ZSCAN1: variants seen among roughly 807,000 people sequenced by gnomAD.
ZSCAN1 encodes the protein zinc finger and SCAN domain containing 1, also known as zinc finger and SCAN domain-containing protein 1.
Under a neutral mutation model 23.8 loss-of-function variants are expected in ZSCAN1, and 23 were observed. The ratio of observed to expected loss-of-function variants is 0.97; its 90% confidence interval spans 0.70 to 1.37. The LOEUF (loss-of-function observed/expected upper bound fraction) is 1.37. Ranked by LOEUF, ZSCAN1 falls within the 40% of genes most tolerant of loss-of-function variation. ZSCAN1 has a pLI of 0.00. For missense variants in ZSCAN1, 575 were observed against 554.0 expected, an observed-to-expected ratio of 1.04 and a Z score of -0.38; for synonymous variants, 236 against 232.3, an observed-to-expected ratio of 1.02 and a Z score of -0.15.
chr19:58,054,137 C>T lies in ZSCAN1; in HGVS notation c.*86C>T, dbSNP rs2073877985. 1.4e-6 allele frequency: 2 copies of T among 1,415,014 alleles called. No homozygotes were observed. Among genetic ancestry groups the T allele is most frequent in the East Asian group, 2.5e-5 (1 of 39,752 alleles). 87.7% of individuals were successfully genotyped at this position (1,415,014 alleles called of 1,614,324 possible). A position where few individuals can be genotyped will look rare whatever the true frequency, so the allele number is the denominator to read the frequency against. ...CAGAAGATGGGGGACATCCCCCAGC[C>T]CCACCAACCCCTGGCCACCTTGGGA... is the stretch of plus-strand genomic sequence containing the variant. On this transcript the variant is annotated 3_prime_UTR_variant, in exon 6 of 6. Coordinates refer to ENST00000282326, the MANE Select transcript of ZSCAN1 (RefSeq NM_182572.4). This position sits in a 1 kb window ranked among gnomAD's most constrained non-coding sequence, Gnocchi z 4.2.
At position 58,040,613 on chromosome 19, in the gene ZSCAN1, C is replaced by T; in HGVS notation, c.465+69C>T. 1 of 1,481,786 alleles carries T rather than the reference C, an allele frequency of 6.7e-7. No individual in the cohort carries two copies. The highest frequency in any genetic ancestry group is 1.7e-5 in the Admixed American group (1 of 59,358). The allele number at this position is 1,481,786 out of a possible 1,614,324, so 91.8% of individuals were successfully genotyped here. On this transcript the variant is annotated intron_variant, in intron 4 of 5. Transcript: ENST00000282326. The surrounding 1 kb of genome is among the most constrained non-coding windows in gnomAD (Gnocchi z 5.8). ...ATGCGTGCCGCTTCTGGGACGGCCTCAAGGATGCCCCATCCAAGGACTGTG... is the reference window on the plus strand; with the variant it reads ...ATGCGTGCCGCTTCTGGGACGGCCTTAAGGATGCCCCATCCAAGGACTGTG...
intron 4 of ZSCAN1, among the ~76,000 whole-genome samples, chr19:58,048,304 A>T (rs2073838560): frequency 1.3e-5 from 2 of 152,210 alleles, no homozygotes; most frequent in South Asian, 2.1e-4. Flanking sequence ...AAGTGTTTCA[A>T]GCTGTGTTTC....
chr19:58,044,564 C>G (rs1592994), intron 4 of ZSCAN1: 576,956 of 648,196 alleles, frequency 0.89, 260,144 homozygotes, highest in African/African-American at 0.94. Context: ...GCAGGAGGCC[C>G]GAGCGGCCGC....
At position 58,045,976 on chromosome 19, in the gene ZSCAN1, G is replaced by A. The variant is rs1332723518; in HGVS notation, c.465+5432G>A. Reference sequence around the variant, plus strand: ...GGCCAAGCTAGAGGCCACACTGCAGGAGAAGGCGACCATGCAGTAGGAGCA... The same window carrying A: ...GGCCAAGCTAGAGGCCACACTGCAGAAGAAGGCGACCATGCAGTAGGAGCA... On this transcript the variant is annotated intron_variant, in intron 4 of 5. Coordinates refer to ENST00000282326, the MANE Select transcript of ZSCAN1 (RefSeq NM_182572.4). This position sits in a 1 kb window ranked among gnomAD's most constrained non-coding sequence, Gnocchi z 4.3. 1.3e-6 allele frequency: 1 copy of A among 744,196 alleles called. No homozygotes were observed. The highest frequency in any genetic ancestry group is 2.4e-6 in the Non-Finnish European group (1 of 415,610). The allele number at this position is 744,196 out of a possible 1,614,324, so 46.1% of individuals were successfully genotyped here. A position where few individuals can be genotyped will look rare whatever the true frequency, so the allele number is the denominator to read the frequency against.
At chr19:58,046,157 T>A in intron 4 of ZSCAN1, 1 of 730,906 alleles carries the variant, frequency 1.4e-6, no homozygotes, top group South Asian at 1.5e-5. Context: ...GCCCCCGTGC[T>A]AGAGGGCTTG....
chr19:58,047,533 C>T lies in ZSCAN1; in HGVS notation c.466-4957C>T, dbSNP rs948098962. Among the ~76,000 whole-genome samples the T allele has an allele frequency of 6.6e-6, 1 of 152,240 alleles. No homozygotes were observed. The highest frequency in any genetic ancestry group is 1.5e-5 in the Non-Finnish European group (1 of 68,048). On this transcript the variant is annotated intron_variant, in intron 4 of 5. Transcript: ENST00000282326. The surrounding 1 kb of genome is among the most constrained non-coding windows in gnomAD (Gnocchi z 4.9). Reference sequence around the variant, plus strand: ...CTGACGTAGCCCTAGCCATGGGACTCCCTTGGGTGGTGCTTGGGCTGCGCG... The same window carrying T: ...CTGACGTAGCCCTAGCCATGGGACTTCCTTGGGTGGTGCTTGGGCTGCGCG...
rs2073774951 is a variant in ZSCAN1 at position 58,040,048 on chromosome 19, T to A, written c.371-402T>A. Among the ~76,000 whole-genome samples the A allele has an allele frequency of 6.6e-6, 1 of 152,178 alleles. No individual in the cohort carries two copies. Among genetic ancestry groups the A allele is most frequent in the African/African-American group, 2.4e-5 (1 of 41,436 alleles). On this transcript the variant is annotated intron_variant, in intron 3 of 5. Transcript: ENST00000282326. The surrounding 1 kb of genome is among the most constrained non-coding windows in gnomAD (Gnocchi z 5.8). ...CACGCCTGGCCTGGTTCCCACGTCT[T>A]GACCCTTCTGTCAATGGTGTCCTGA...
At chr19:58,051,686 C>T (rs1328962761) in intron 4 of ZSCAN1, among the ~76,000 whole-genome samples, 1 of 152,204 alleles carries the variant, frequency 6.6e-6, no homozygotes, top group Non-Finnish European at 1.5e-5. Context: ...CCTCCTCCAA[C>T]AACCTGATTT....
intron 4 of ZSCAN1, chr19:58,044,593 G>A (rs558498829): frequency 2.0e-6 from 2 of 976,710 alleles, no homozygotes; most frequent in East Asian, 3.0e-5. Flanking sequence ...GACACACGGC[G>A]TCCATCTTAA....
intron 4 of ZSCAN1, among the ~76,000 whole-genome samples, chr19:58,048,532 T>G (rs1287183516): frequency 6.6e-6 from 1 of 152,232 alleles, no homozygotes; most frequent in African/African-American, 2.4e-5. Flanking sequence ...CAGGCTGGAG[T>G]GCCGTGGCAT....
chr19:58,036,909 G>A (rs920183950), intron 2 of ZSCAN1, among the ~76,000 whole-genome samples: 1 of 152,060 alleles, frequency 6.6e-6, no homozygotes, highest in Admixed American at 6.6e-5. Flanking sequence ...GTCTTGAACT[G>A]CTGACTTCAG....
rs149279174 is a variant in ZSCAN1 at position 58,052,537 on chromosome 19, C to T, written c.513C>T (p.Pro171=). The change falls in exon 5 of 6, where the codon CCC becomes CCT. Residue 171 remains proline (P), a synonymous_variant. Coordinates refer to ENST00000282326, the MANE Select transcript of ZSCAN1 (RefSeq NM_182572.4). Reference sequence around the variant, plus strand: ...CAGTGGCAGCAGCCCCAGCACTCCCCGAGGAAAGTGAGTGGCTGGAGACTA... The same window carrying T: ...CAGTGGCAGCAGCCCCAGCACTCCCTGAGGAAAGTGAGTGGCTGGAGACTA... ...LDAVAAAPAL[P]EESEWLETTQ... is the part of the protein sequence containing the mutation. The T allele has an allele frequency of 1.9e-4, 301 of 1,613,942 alleles. 1 individual carries two copies. The highest frequency in any genetic ancestry group is 1.7e-3 in the East Asian group (78 of 44,896).
chr19:58,040,406 C>T lies in ZSCAN1; in HGVS notation c.371-44C>T, dbSNP rs372180167. ...CAGAAGGCCTGGAGAATTGGGGGCT[C>T]TGGGAAGAACAGGCCCCTCTCACGA... On this transcript the variant is annotated intron_variant, in intron 3 of 5. Coordinates refer to ENST00000282326, the MANE Select transcript of ZSCAN1 (RefSeq NM_182572.4). The surrounding 1 kb of genome is among the most constrained non-coding windows in gnomAD (Gnocchi z 5.8). 1.2e-6 allele frequency: 2 copies of T among 1,602,154 alleles called. No homozygotes were observed. Among genetic ancestry groups the T allele is most frequent in the African/African-American group, 2.7e-5 (2 of 74,652 alleles).
intron 4 of ZSCAN1, chr19:58,044,734 G>A: frequency 1.4e-6 from 1 of 738,068 alleles, no homozygotes. Context: ...CTGCCCGAAA[G>A]TTTCATTTGG....
chr19:58,047,386 G>A lies in ZSCAN1; in HGVS notation c.466-5104G>A, dbSNP rs906756742. ...GGTTCTCACCTGCAGTTTTCCTTGTGTATCGGAGCTCTTTCTTAACTTTCT... is the reference window on the plus strand; with the variant it reads ...GGTTCTCACCTGCAGTTTTCCTTGTATATCGGAGCTCTTTCTTAACTTTCT... On this transcript the variant is annotated intron_variant, in intron 4 of 5. Coordinates refer to ENST00000282326, the MANE Select transcript of ZSCAN1 (RefSeq NM_182572.4). This position sits in a 1 kb window ranked among gnomAD's most constrained non-coding sequence, Gnocchi z 4.9. Among the ~76,000 whole-genome samples, 4 of 152,234 alleles carry A rather than the reference G, an allele frequency of 2.6e-5. No homozygotes were observed. Among genetic ancestry groups the A allele is most frequent in the African/African-American group, 7.2e-5 (3 of 41,474 alleles).
downstream of ZSCAN1, among the ~76,000 whole-genome samples, chr19:58,056,453 G>A (rs1032765093): frequency 3.3e-5 from 5 of 152,232 alleles, no homozygotes; most frequent in African/African-American, 1.2e-4. Flanking sequence ...AATGAGTGAG[G>A]GGAAGTCCCT....
Position 58,045,041 on chromosome 19 carries a change from G to C in ZSCAN1, c.465+4497G>C. 1.8e-6 allele frequency: 2 copies of C among 1,111,230 alleles called. No homozygotes were observed. Among genetic ancestry groups the C allele is most frequent in the South Asian group, 1.3e-5 (1 of 79,414 alleles). 68.8% of individuals were successfully genotyped at this position (1,111,230 alleles called of 1,614,324 possible). A position where few individuals can be genotyped will look rare whatever the true frequency, so the allele number is the denominator to read the frequency against. Reference sequence around the variant, plus strand: ...CCCGCAGAGATGGTGGTGAAGTCCCGGGGGCAGAGAGGGTGCTGGGCGAGC... The same window carrying C: ...CCCGCAGAGATGGTGGTGAAGTCCCCGGGGCAGAGAGGGTGCTGGGCGAGC... On this transcript the variant is annotated intron_variant, in intron 4 of 5. Transcript: ENST00000282326. The surrounding 1 kb of genome is among the most constrained non-coding windows in gnomAD (Gnocchi z 4.3).
intron 4 of ZSCAN1, among the ~76,000 whole-genome samples, chr19:58,050,090 T>A (rs2073849687): frequency 1.9e-5 from 2 of 105,374 alleles, no homozygotes; most frequent in Non-Finnish European, 5.0e-5. Flanking sequence ...CACTCTTTCC[T>A]TTTTTTTTTT....
rs2073878076 is a variant in ZSCAN1 at position 58,054,155 on chromosome 19, C to T, written c.*104C>T. Reference sequence around the variant, plus strand: ...CCCCAGCCCCACCAACCCCTGGCCACCTTGGGACTCCTCTTGAAGGACACA... The same window carrying T: ...CCCCAGCCCCACCAACCCCTGGCCATCTTGGGACTCCTCTTGAAGGACACA... On this transcript the variant is annotated 3_prime_UTR_variant, in exon 6 of 6. Coordinates refer to ENST00000282326, the MANE Select transcript of ZSCAN1 (RefSeq NM_182572.4). This position sits in a 1 kb window ranked among gnomAD's most constrained non-coding sequence, Gnocchi z 4.2. The T allele has an allele frequency of 7.3e-7, 1 of 1,367,374 alleles. No homozygotes were observed. The highest frequency in any genetic ancestry group is 1.6e-5 in the South Asian group (1 of 64,096). 84.7% of individuals were successfully genotyped at this position (1,367,374 alleles called of 1,614,324 possible).
Sources: allele counts gnomAD v4.1 joint callset (sites outside exome capture counted in the v4.1 genomes callset), GRCh38; gene constraint gnomAD v4.1.1; non-coding constraint Gnocchi (gnomAD v3.1); transcripts MANE v1.5; gene names NCBI Gene and HGNC (gene_info 2026-07-23, HGNC 2026-07-21).